RPL18: variants seen among roughly 807,000 people sequenced by gnomAD.
The protein encoded by RPL18 is ribosomal protein L18.
In RPL18, 4 loss-of-function variants were observed where a neutral mutation model predicts 25.0. The ratio of observed to expected loss-of-function variants is 0.16; its 90% CI spans 0.08 to 0.37. The LOEUF (loss-of-function observed/expected upper bound fraction) is 0.37, where lower values mean the gene tolerates loss of function less well. Ranked by LOEUF, RPL18 falls within the 10% of genes least tolerant of loss-of-function variation. RPL18 has a pLI of 1.00. For synonymous variants in RPL18, 129 were observed against 101.6 expected (o/e 1.27, Z -1.62); for missense variants, 179 against 267.9 (o/e 0.67, Z 2.32).
In RPL18 at chr19:48,615,959, AAGG is replaced by A; in HGVS notation, c.422-16_422-14del. The A allele has an allele frequency of 6.2e-7, 1 of 1,613,898 alleles. No individual in the cohort carries two copies. Among genetic ancestry groups the A allele is most frequent in the Non-Finnish European group, 8.5e-7 (1 of 1,179,896 alleles). On this transcript the variant is annotated splice_polypyrimidine_tract_variant and intron_variant, in intron 5 of 6. Coordinates refer to ENST00000549920, the MANE Select transcript of RPL18 (RefSeq NM_000979.4). ...CCCTTGCGAGGACCTAGGGAAGGGG[AAGG>A]AGAACCGGGTGAGACAGGGATCTGG...
At chr19:48,617,737 C>G in intron 2 of RPL18, 54 bp downstream of exon 2, 1 of 1,389,980 alleles carries the variant, frequency 7.2e-7, no homozygotes, top group Non-Finnish European at 1.0e-6. Flanking sequence ...AATGGAGGAT[C>G]TGCAAGTCAG....
intron 4 of RPL18, 168 bp downstream of exon 4, chr19:48,616,558 G>T: frequency 1.4e-6 from 1 of 718,190 alleles, no homozygotes; most frequent in Non-Finnish European, 2.5e-6. Context: ...CATCAACCAT[G>T]CCAGAGACGA....
chr19:48,618,985 C>T, intron 1 of RPL18, 156 bp downstream of exon 1: 2 of 744,474 alleles, frequency 2.7e-6, no homozygotes, highest in Non-Finnish European at 2.3e-6. Flanking sequence ...CTGACCCATC[C>T]CTGCTTTCCT....
intron 6 of RPL18, chr19:48,615,657 C>T (rs1456479219): frequency 2.0e-5 from 13 of 643,184 alleles, no homozygotes; most frequent in Admixed American, 1.4e-4. Flanking sequence ...TGGCAAAGGC[C>T]GGTGAACTGC....
Position 48,616,716 on chromosome 19 carries a change from G to T in RPL18, c.297+10C>A. The T allele has an allele frequency of 6.3e-7, 1 of 1,588,572 alleles. No homozygotes were observed. Among genetic ancestry groups the T allele is most frequent in the Non-Finnish European group, 8.6e-7 (1 of 1,156,772 alleles). On this transcript the variant is annotated intron_variant, in intron 4 of 6. Transcript: ENST00000549920. ...GGTCTGATGGGTCTGCCCAGCCCCC[G>T]CCAGCTCACCTTCAGTTTGGGTACC...
chr19:48,616,555 C>A, intron 4 of RPL18, 171 bp downstream of exon 4: 1 of 716,348 alleles, frequency 1.4e-6, no homozygotes, highest in Non-Finnish European at 2.5e-6. Context: ...CACCATCAAC[C>A]ATGCCAGAGA....
Position 48,617,470 on chromosome 19 carries a change from C to T in RPL18, c.91-47G>A, listed in dbSNP as rs781701397. 3.3e-5 allele frequency: 47 copies of T among 1,406,456 alleles called. 1 individual carries two copies. The East Asian group carries it at 6.1e-4, about 18-fold the overall frequency. 87.1% of individuals were successfully genotyped at this position (1,406,456 alleles called of 1,614,324 possible). On this transcript the variant is annotated intron_variant, in intron 2 of 6. Coordinates refer to ENST00000549920, the MANE Select transcript of RPL18 (RefSeq NM_000979.4). Reference sequence around the variant, plus strand: ...GAGAAGCTGGGACAGCCTGCTCCCCCGCAGCCTTCCAGTGAAGGGGCAAAC... The same window carrying T: ...GAGAAGCTGGGACAGCCTGCTCCCCTGCAGCCTTCCAGTGAAGGGGCAAAC...
intron 1 of RPL18, chr19:48,618,102 A>G (rs1477171001): frequency 2.2e-6 from 1 of 455,698 alleles, no homozygotes; most frequent in Non-Finnish European, 4.0e-6. Context: ...AAACATCGTA[A>G]CACAGCAATC....
intron 4 of RPL18, 173 bp from the exon 5 acceptor site, chr19:48,616,375 AC>A: frequency 1.4e-6 from 1 of 733,336 alleles, no homozygotes; most frequent in Non-Finnish European, 2.2e-6. Context: ...CGGAACTTTC[AC>A]CACCACATCC....
rs762407259 is a variant in RPL18, at chr19:48,619,171, G to A, written c.-28C>T. Reference sequence around the variant, plus strand: ...TGGCGCCTCCTGCTCGGCCAGGTCCGGAAAGAGAGAACGGGCTGGGGTGGG... The same window carrying A: ...TGGCGCCTCCTGCTCGGCCAGGTCCAGAAAGAGAGAACGGGCTGGGGTGGG... On this transcript the variant is annotated 5_prime_UTR_variant, in exon 1 of 7. Transcript: ENST00000549920. 8 of 1,406,992 alleles carry A rather than the reference G, an allele frequency of 5.7e-6. No individual in the cohort carries two copies. Among genetic ancestry groups the A allele is most frequent in the African/African-American group, 1.4e-5 (1 of 70,554 alleles). 87.2% of individuals were successfully genotyped at this position (1,406,992 alleles called of 1,614,324 possible). A position where few individuals can be genotyped will look rare whatever the true frequency, so the allele number is the denominator to read the frequency against.
rs1340381173 is a variant in RPL18 at position 48,615,429 on chromosome 19, C to T, written c.510G>A (p.Lys170=). Residue 170 remains lysine, a synonymous_variant, in exon 7 of 7, where the codon AAG becomes AAA. Transcript: ENST00000549920. ...CTCTGGCACGCTCGAACTTCCGGCC[C>T]TTGGAGCGGACGTAGGGTCTGTGGG... The part of the protein sequence containing the change: ...HSHTKPYVRS[K]GRKFERARGR... 3.1e-6 allele frequency: 5 copies of T among 1,613,038 alleles called. No individual in the cohort carries two copies. The highest frequency in any genetic ancestry group is 4.2e-6 in the Non-Finnish European group (5 of 1,179,562).
chr19:48,615,354 A>G lies in RPL18; in HGVS notation c.*18T>C, dbSNP rs1974135317. Reference sequence around the variant, plus strand: ...ACTGTCAGCAAAAATCTTTTTAATAAGAGAGTAGGATCCAGGGTTAGTTTT... The same window carrying G: ...ACTGTCAGCAAAAATCTTTTTAATAGGAGAGTAGGATCCAGGGTTAGTTTT... On this transcript the variant is annotated 3_prime_UTR_variant, in exon 7 of 7. Coordinates refer to ENST00000549920, the MANE Select transcript of RPL18 (RefSeq NM_000979.4). 6.3e-7 allele frequency: 1 copy of G among 1,590,832 alleles called. No homozygotes were observed. Among genetic ancestry groups the G allele is most frequent in the African/African-American group, 1.3e-5 (1 of 74,294 alleles).
chr19:48,616,643 CCAGCACAGCACAGCACAGCACAGCA>C (rs58972118), intron 4 of RPL18, 58 bp downstream of exon 4: 23 of 929,436 alleles, frequency 2.5e-5, no homozygotes, highest in Middle Eastern at 4.5e-4. Context: ...TGAGGATGGA[CCAGCACAGCACAGCACAGCACAGCA>C]CAGCACAGCA....
chr19:48,617,198 G>T (rs1195494279), intron 3 of RPL18, 118 bp downstream of exon 3: 2 of 852,074 alleles, frequency 2.3e-6, no homozygotes, highest in Non-Finnish European at 4.1e-6. Flanking sequence ...CTCGCGACTG[G>T]CTGAGACAAA....
intron 3 of RPL18, 59 bp downstream of exon 3, chr19:48,617,257 C>G (rs750178276): frequency 7.4e-7 from 1 of 1,347,428 alleles, no homozygotes; most frequent in East Asian, 2.3e-5. Context: ...GCCTCCCTTC[C>G]AGACAGACAA....
At position 48,615,967 on chromosome 19, in the gene RPL18, C is replaced by G. The variant is rs1406820793; in HGVS notation, c.422-21G>C. The G allele has an allele frequency of 2.5e-6, 4 of 1,613,994 alleles. No individual in the cohort carries two copies. The East Asian group carries it at 6.7e-5, about 27-fold the overall frequency. Reference sequence around the variant, plus strand: ...AGGACCTAGGGAAGGGGAAGGAGAACCGGGTGAGACAGGGATCTGGCGCCC... The same window carrying G: ...AGGACCTAGGGAAGGGGAAGGAGAAGCGGGTGAGACAGGGATCTGGCGCCC... On this transcript the variant is annotated intron_variant, in intron 5 of 6. Transcript: ENST00000549920.
rs748117052 is a variant in RPL18 at position 48,619,153 on chromosome 19, T to A, written c.-10A>T. Reference sequence around the variant, plus strand: ...AAAGCGAGCTCACCATGATGGCGCCTCCTGCTCGGCCAGGTCCGGAAAGAG... The same window carrying A: ...AAAGCGAGCTCACCATGATGGCGCCACCTGCTCGGCCAGGTCCGGAAAGAG... On this transcript the variant is annotated 5_prime_UTR_variant, in exon 1 of 7. Coordinates refer to ENST00000549920, the MANE Select transcript of RPL18 (RefSeq NM_000979.4). 2.4e-6 allele frequency: 3 copies of A among 1,239,672 alleles called. No homozygotes were observed. The highest frequency in any genetic ancestry group is 3.3e-6 in the Non-Finnish European group (3 of 915,484). 76.8% of individuals were successfully genotyped at this position (1,239,672 alleles called of 1,614,324 possible).
chr19:48,618,973 G>T (rs1368282117), intron 1 of RPL18, 168 bp downstream of exon 1: 10 of 683,694 alleles, frequency 1.5e-5, no homozygotes, highest in South Asian at 3.5e-5. Flanking sequence ...GGTAGGCTAT[G>T]ACTGACCCAT....
intron 4 of RPL18, 178 bp downstream of exon 4, chr19:48,616,548 C>T (rs1462589292): frequency 2.8e-6 from 2 of 712,042 alleles, no homozygotes; most frequent in Non-Finnish European, 5.1e-6. Flanking sequence ...GGGACCCCAC[C>T]ATCAACCATG....
Sources: allele counts gnomAD v4.1 joint callset, GRCh38; gene constraint gnomAD v4.1.1; transcripts MANE v1.5; gene names NCBI Gene and HGNC (gene_info 2026-07-23, HGNC 2026-07-21).